Variants in GSE1 observed in about 807,000 individuals in gnomAD.
GSE1 encodes the protein genetic suppressor element 1.
In GSE1, 32 loss-of-function variants were observed where a neutral mutation model predicts 112.6. The ratio of observed to expected loss-of-function variants is 0.28; its 90% CI spans 0.21 to 0.38. The LOEUF is 0.38. Ranked by LOEUF, GSE1 falls within the 10% of genes least tolerant of loss-of-function variation. The probability of loss-of-function intolerance (pLI) is 1.00; values close to 1 mark genes in which losing one functional copy is unlikely to be tolerated. For missense variants in GSE1, 2,348 were observed against 1,699.2 expected, an observed-to-expected ratio of 1.38 and a Z score of -6.71; for synonymous variants, 1,115 against 735.6, an observed-to-expected ratio of 1.52 and a Z score of -8.35.
At chr16:85,366,629 C>T (rs1464517632) in intron 2 of GSE1, among the ~76,000 whole-genome samples, 1 of 152,232 alleles carries the variant, frequency 6.6e-6, no homozygotes, top group Non-Finnish European at 1.5e-5. Context: ...TCCCGCCCCT[C>T]TGTTTCCTGC....
chr16:85,220,416 G>A (rs1012370655), intron 1 of GSE1, among the ~76,000 whole-genome samples: 5 of 152,216 alleles, frequency 3.3e-5, no homozygotes, highest in South Asian at 2.1e-4. Flanking sequence ...GATCACCCCC[G>A]GCTCAGCAGA....
In GSE1 at chr16:85,675,028, C is replaced by T. The variant is rs910633547; in HGVS notation, c.*2489C>T. On this transcript the variant is annotated 3_prime_UTR_variant, in exon 16 of 16. Coordinates refer to ENST00000253458, the MANE Select transcript of GSE1 (RefSeq NM_014615.5). ...AAAGCACACCACCCAAGACACAGTACCCAGTCATGGTTTCCCCATCCAACT... is the reference window on the plus strand; with the variant it reads ...AAAGCACACCACCCAAGACACAGTATCCAGTCATGGTTTCCCCATCCAACT... 2.6e-5 allele frequency: 4 copies of T among 152,502 alleles called. No individual in the cohort carries two copies. Among genetic ancestry groups the T allele is most frequent in the African/African-American group, 9.6e-5 (4 of 41,454 alleles). The allele number at this position is 152,502 out of a possible 1,614,324, so 9.4% of individuals were successfully genotyped here.
In GSE1 at chr16:85,583,641, G is replaced by A. The variant is rs116884385; in HGVS notation, c.37+27278G>A. On this transcript the variant is annotated intron_variant, in intron 1 of 2. Transcript: ENST00000635906. The stretch of plus-strand genomic sequence containing the variant: ...GCTCTCCCAGCATGCCAGTGAGTGA[G>A]TCACCTTCCTGCAGCACCCCCATAT... 10 of 152,312 alleles carry A rather than the reference G, an allele frequency of 6.6e-5. No individual in the cohort carries two copies. In the East Asian group the frequency reaches 1.9e-3, roughly 29 times the overall value. The allele number at this position is 152,312 out of a possible 1,614,324, so 9.4% of individuals were successfully genotyped here.
At chr16:85,382,718 C>T (rs990019040) in intron 2 of GSE1, among the ~76,000 whole-genome samples, 1 of 151,288 alleles carries the variant, frequency 6.6e-6, no homozygotes, top group African/African-American at 2.4e-5. Context: ...CACACATGCA[C>T]ACACACACAC....
chr16:85,654,738 G>A, intron 4 of GSE1, 56 bp from the exon 5 acceptor site: 2 of 1,073,306 alleles, frequency 1.9e-6, no homozygotes, highest in Non-Finnish European at 2.8e-6. Flanking sequence ...GTCCCCCCAT[G>A]CAGGAGCAGG....
chr16:85,388,329 T>TGTATGGCTG (rs1208326396), intron 2 of GSE1, among the ~76,000 whole-genome samples: 1 of 78,244 alleles, frequency 1.3e-5, no homozygotes, highest in Non-Finnish European at 2.6e-5. Context: ...GATGGATGGA[T>TGTATGGCTG]GAATGGATGT....
rs192276618 is a variant in GSE1, at chr16:85,301,006, T to C, written c.2284-56457T>C. 3.2e-3 allele frequency among the ~76,000 whole-genome samples: 489 copies of C among 152,232 alleles called. 1 individual carries two copies. The highest frequency in any genetic ancestry group is 0.011 in the African/African-American group (456 of 41,552). On this transcript the variant is annotated intron_variant, in intron 1 of 2. Coordinates refer to the GSE1 transcript ENST00000637419. ...GGCAGCATTCGGCCACAGGGTCCAG[T>C]GTGTTCCCTCCTCCAGGGGCCACCT...
chr16:85,382,540 C>A (rs1021564837), intron 2 of GSE1, among the ~76,000 whole-genome samples: 1 of 152,196 alleles, frequency 6.6e-6, no homozygotes, highest in Non-Finnish European at 1.5e-5. Context: ...GATGAGACAG[C>A]AGAGCCCTTG....
At chr16:85,483,187 C>G (rs1461743306) in intron 2 of GSE1, among the ~76,000 whole-genome samples, 1 of 152,208 alleles carries the variant, frequency 6.6e-6, no homozygotes, top group Non-Finnish European at 1.5e-5. Flanking sequence ...CCCAAGACAT[C>G]TCACTGTGTA....
chr16:85,484,663 G>A (rs1433978642), intron 2 of GSE1, among the ~76,000 whole-genome samples: 1 of 152,150 alleles, frequency 6.6e-6, no homozygotes, highest in Non-Finnish European at 1.5e-5. Flanking sequence ...TTTACAGCTG[G>A]GGAAGTAGGC....
intron 2 of GSE1, among the ~76,000 whole-genome samples, chr16:85,446,733 G>A (rs969001572): frequency 6.6e-6 from 1 of 152,168 alleles, no homozygotes; most frequent in Non-Finnish European, 1.5e-5. Context: ...GGGAAGAGCG[G>A]GCATGGTGGA....
At chr16:85,441,661 AAAAAC>A (rs1472436200) in intron 2 of GSE1, among the ~76,000 whole-genome samples, 3 of 152,182 alleles carry the variant, frequency 2.0e-5, no homozygotes, top group African/African-American at 7.2e-5. Context: ...CACAAAAACA[AAAAAC>A]AAAACAAAAC....
intron 1 of GSE1, among the ~76,000 whole-genome samples, chr16:85,567,034 GCCCCCACCCCCACCCCCACCCCCA>G (rs557302207): frequency 4.1e-5 from 6 of 146,712 alleles, no homozygotes; most frequent in South Asian, 2.2e-4. Context: ...TGTTACTCCC[GCCCCCACCCCCACCCCCACCCCCA>G]CCCCCACCCC....
chr16:85,256,225 G>A (rs761409743), intron 1 of GSE1, among the ~76,000 whole-genome samples: 4 of 152,138 alleles, frequency 2.6e-5, no homozygotes, highest in African/African-American at 4.8e-5. Flanking sequence ...GAGGGTGGGA[G>A]CTTCAAGTGG....
intron 1 of GSE1, among the ~76,000 whole-genome samples, chr16:85,206,044 A>G (rs1298795342): frequency 1.3e-5 from 2 of 152,100 alleles, no homozygotes; most frequent in Non-Finnish European, 1.5e-5. Context: ...AGGGGTTTGG[A>G]AGGAGAGAAA....
chr16:85,616,329 C>T (rs945861561), intron 1 of GSE1, among the ~76,000 whole-genome samples: 1 of 152,220 alleles, frequency 6.6e-6, no homozygotes, highest in African/African-American at 2.4e-5. Flanking sequence ...TGGAAGAGTG[C>T]GGATAAGCTA....
chr16:85,356,784 G>C (rs962603455), intron 1 of GSE1, among the ~76,000 whole-genome samples: 5 of 152,152 alleles, frequency 3.3e-5, no homozygotes, highest in Non-Finnish European at 5.9e-5. Context: ...GAGCCACCGC[G>C]CCTGGCCTGT....
chr16:85,309,822 G>A (rs1248849011), intron 1 of GSE1, among the ~76,000 whole-genome samples: 1 of 152,264 alleles, frequency 6.6e-6, no homozygotes, highest in Non-Finnish European at 1.5e-5. Flanking sequence ...AAGGGTGGAC[G>A]CGGCCAAGAA....
At chr16:85,626,582 C>T (rs1045799971) in intron 1 of GSE1, among the ~76,000 whole-genome samples, 2 of 152,190 alleles carry the variant, frequency 1.3e-5, no homozygotes, top group African/African-American at 4.8e-5. Flanking sequence ...CCTGCTGGGC[C>T]CAGCCTCACG....
Sources: gnomAD v4.1 joint callset for allele counts (sites outside exome capture counted in the v4.1 genomes callset) on GRCh38, gnomAD v4.1.1 for gene constraint, MANE v1.5 for transcripts, NCBI Gene and HGNC (gene_info 2026-07-23, HGNC 2026-07-21) for gene names.